The following PARP1 variants were observed in gnomAD, a reference collection of about 807,000 sequenced individuals.
PARP1 encodes the protein poly [ADP-ribose] polymerase 1.
In PARP1, 44 loss-of-function variants were observed where a neutral mutation model predicts 118.7. The observed-to-expected ratio is 0.37, with a 90% CI of 0.29 to 0.48. The LOEUF (loss-of-function observed/expected upper bound fraction) is 0.48. Ranked by LOEUF, PARP1 falls within the 20% of genes least tolerant of loss-of-function variation. PARP1 has a pLI of 0.99. For synonymous variants in PARP1, 492 were observed against 483.2 expected, an observed-to-expected ratio of 1.02 and a Z score of -0.24; for missense variants, 1,100 against 1,272.4, an observed-to-expected ratio of 0.86 and a Z score of 2.06.
intron 14 of PARP1, among the ~76,000 whole-genome samples, chr1:226,373,487 G>A (rs907193): frequency 0.8 from 122,177 of 152,068 alleles, 49,550 homozygotes; most frequent in Middle Eastern, 0.87. Flanking sequence ...GCTAGGAGCA[G>A]CAAGAACAAG....
chr1:226,376,921 C>T (rs1028153482), intron 13 of PARP1, among the ~76,000 whole-genome samples, 187 bp downstream of exon 13: 8 of 152,170 alleles, frequency 5.3e-5, no homozygotes, highest in African/African-American at 1.9e-4. Flanking sequence ...TACTGGCCTT[C>T]ATGCAATGAG....
intron 18 of PARP1, among the ~76,000 whole-genome samples, 176 bp downstream of exon 18, chr1:226,365,778 C>CAA (rs796563980): frequency 4.8e-5 from 2 of 41,596 alleles, no homozygotes; most frequent in East Asian, 3.1e-4. Context: ...AAAAAAAAAA[C>CAA]AAAAAACAAA....
chr1:226,375,028 A>T (rs1470480725), intron 13 of PARP1, among the ~76,000 whole-genome samples: 2 of 152,190 alleles, frequency 1.3e-5, no homozygotes, highest in Non-Finnish European at 2.9e-5. Flanking sequence ...CTTGAACTGT[A>T]TGAGGGTATA....
At chr1:226,402,175 TG>T in intron 2 of PARP1, 38 bp downstream of exon 2, 1 of 1,614,120 alleles carries the variant, frequency 6.2e-7, no homozygotes, top group South Asian at 1.1e-5. Flanking sequence ...AGCTTCAGGG[TG>T]GGGGCTGAAT....
chr1:226,361,261 C>T lies in PARP1; in HGVS notation c.*199G>A. The T allele has an allele frequency of 4.7e-6, 3 of 634,824 alleles. No individual in the cohort carries two copies. Among genetic ancestry groups the T allele is most frequent in the East Asian group, 2.8e-5 (1 of 36,358 alleles). 39.3% of individuals were successfully genotyped at this position (634,824 alleles called of 1,614,324 possible). A position where few individuals can be genotyped will look rare whatever the true frequency, so the allele number is the denominator to read the frequency against. ...AAACAAAAACAACCCCAAAACAACCCCTCCCCACAGACACAACACAAAACA... is the reference window on the plus strand; with the variant it reads ...AAACAAAAACAACCCCAAAACAACCTCTCCCCACAGACACAACACAAAACA... On this transcript the variant is annotated 3_prime_UTR_variant, in exon 23 of 23. Transcript: ENST00000366794.
At chr1:226,406,214 G>A (rs917174139) in intron 1 of PARP1, among the ~76,000 whole-genome samples, 2 of 152,114 alleles carry the variant, frequency 1.3e-5, no homozygotes, top group Non-Finnish European at 2.9e-5. Context: ...TTGCTTTGCT[G>A]CTTACATTTA....
chr1:226,367,122 T>C, intron 17 of PARP1: 1 of 350,062 alleles, frequency 2.9e-6, no homozygotes, highest in Non-Finnish European at 5.5e-6. Flanking sequence ...AAGTTCACGC[T>C]ACAAGGGTTT....
At chr1:226,392,136 T>C in intron 3 of PARP1, 63 bp downstream of exon 3, 1 of 1,080,194 alleles carries the variant, frequency 9.3e-7, no homozygotes. Flanking sequence ...TCTCTTGAGA[T>C]AGCCAATAAC....
Position 226,360,968 on chromosome 1 carries a change from G to A in PARP1, c.*492C>T, listed in dbSNP as rs1167300461. 3 of 227,034 alleles carry A rather than the reference G, an allele frequency of 1.3e-5. No homozygotes were observed. The highest frequency in any genetic ancestry group is 2.6e-5 in the Non-Finnish European group (3 of 113,990). The allele number at this position is 227,034 out of a possible 1,614,324, so 14.1% of individuals were successfully genotyped here. A position where few individuals can be genotyped will look rare whatever the true frequency, so the allele number is the denominator to read the frequency against. On this transcript the variant is annotated 3_prime_UTR_variant, in exon 23 of 23. Coordinates refer to ENST00000366794, the MANE Select transcript of PARP1 (RefSeq NM_001618.4). ...AGGCAAACAAAAAAAACTAAAAAGG[G>A]GACAATAAGTGCAAGATAAAAAAGA... is the stretch of plus-strand genomic sequence containing the variant.
intron 2 of PARP1, chr1:226,392,759 T>C (rs1166675198): frequency 3.4e-6 from 2 of 591,524 alleles, no homozygotes; most frequent in Non-Finnish European, 5.7e-6. Flanking sequence ...CAAGTATATG[T>C]AAGAATTAAA....
At chr1:226,390,918 T>C (rs1191954743) in intron 3 of PARP1, among the ~76,000 whole-genome samples, 1 of 151,908 alleles carries the variant, frequency 6.6e-6, no homozygotes, top group Non-Finnish European at 1.5e-5. Flanking sequence ...TCTGCTGACC[T>C]GGGGCAGGCA....
In PARP1 at chr1:226,361,334, C is replaced by T; in HGVS notation, c.*126G>A. ...AACCTTTAACACGTTTCTGTAAAAT[C>T]CTTTCTGAGGTGGTTTAGTACAGGT... On this transcript the variant is annotated 3_prime_UTR_variant, in exon 23 of 23. Coordinates refer to ENST00000366794, the MANE Select transcript of PARP1 (RefSeq NM_001618.4). 2 of 717,504 alleles carry T rather than the reference C, an allele frequency of 2.8e-6. No homozygotes were observed. The highest frequency in any genetic ancestry group is 5.2e-6 in the Non-Finnish European group (2 of 386,426). 44.4% of individuals were successfully genotyped at this position (717,504 alleles called of 1,614,324 possible).
At chr1:226,385,362 T>C in intron 7 of PARP1, 142 bp downstream of exon 7, 1 of 736,082 alleles carries the variant, frequency 1.4e-6, no homozygotes, top group Non-Finnish European at 2.4e-6. Context: ...AATTTTATAT[T>C]CTGGTAAACA....
At chr1:226,362,769 C>T (rs1664169315) in intron 21 of PARP1, among the ~76,000 whole-genome samples, 1 of 152,170 alleles carries the variant, frequency 6.6e-6, no homozygotes, top group East Asian at 1.9e-4. Flanking sequence ...CACCAAGATT[C>T]TCCTGTGGCA....
chr1:226,379,382 C>T (rs1045865001), intron 11 of PARP1, 108 bp from the exon 12 acceptor site: 8 of 1,439,170 alleles, frequency 5.6e-6, no homozygotes, highest in East Asian at 2.3e-5. Flanking sequence ...GATACACTAC[C>T]ACCACCCTCG....
In PARP1 at chr1:226,407,852, C is replaced by T. The variant is rs1237764785; in HGVS notation, c.78G>A (p.Glu26=). The T allele has an allele frequency of 1.2e-6, 2 of 1,604,584 alleles. No homozygotes were observed. Among genetic ancestry groups the T allele is most frequent in the Middle Eastern group, 1.7e-4 (1 of 6,056 alleles). The change falls in exon 1 of 23, where the codon GAG becomes GAA. Residue 26 remains glutamate, a synonymous_variant. Transcript: ENST00000366794. ...SGRASCKKCS[E]SIPKDSLRMA... is the part of the protein sequence containing the mutation. ...TCCGGAGCGAGTCCTTGGGGATGCTCTCGCTGCATTTCTTGCAAGAGGCGC... is the reference window on the plus strand; with the variant it reads ...TCCGGAGCGAGTCCTTGGGGATGCTTTCGCTGCATTTCTTGCAAGAGGCGC...
intron 2 of PARP1, chr1:226,392,552 G>C (rs1664840126): frequency 1.8e-6 from 1 of 567,288 alleles, no homozygotes; most frequent in East Asian, 3.0e-5. Context: ...CAGCATATCA[G>C]GGGGTGGTCA....
intron 8 of PARP1, 54 bp from the exon 9 acceptor site, chr1:226,381,262 A>C: frequency 1.0e-5 from 16 of 1,601,610 alleles, no homozygotes; most frequent in Non-Finnish European, 1.4e-5. Context: ...GCTGCTCCCC[A>C]GTAAGGGGAG....
intron 2 of PARP1, among the ~76,000 whole-genome samples, chr1:226,398,528 A>T (rs932709452): frequency 2.3e-4 from 6 of 25,654 alleles, no homozygotes; most frequent in Non-Finnish European, 3.5e-4. Context: ...AGACAGTCTT[A>T]AAAAAAAAAA....
Sources: allele counts gnomAD v4.1 joint callset (sites outside exome capture counted in the v4.1 genomes callset), GRCh38; gene constraint gnomAD v4.1.1; transcripts MANE v1.5; gene names NCBI Gene and HGNC (gene_info 2026-07-23, HGNC 2026-07-21).